SNTG2: variants seen among roughly 807,000 people sequenced by gnomAD.
SNTG2 encodes the protein gamma-2-syntrophin.
SNTG2 carries 74 observed loss-of-function variants against 70.9 expected under a neutral mutation model. That is an observed-to-expected ratio of 1.04 (90% CI 0.86 to 1.27). The LOEUF is 1.27. Among genes scored for constraint, SNTG2 ranks in the 50% most tolerant of loss-of-function variants. SNTG2 has a pLI of 0.00. For missense variants in SNTG2, 717 were observed against 690.7 expected (o/e 1.04, Z -0.43); for synonymous variants, 278 against 273.8 (o/e 1.02, Z -0.15).
chr2:1,306,355 TCTC>T (rs1302303625), intron 14 of SNTG2, among the ~76,000 whole-genome samples: 4 of 152,064 alleles, frequency 2.6e-5, no homozygotes, highest in African/African-American at 9.7e-5. Flanking sequence ...CACCATCTGC[TCTC>T]CTCTAAGAGG....
chr2:1,195,896 A>G (rs1265699110), intron 8 of SNTG2, among the ~76,000 whole-genome samples: 1 of 135,786 alleles, frequency 7.4e-6, no homozygotes, highest in Non-Finnish European at 1.5e-5. Flanking sequence ...ATTGATCAGG[A>G]AAAAAAAAAT....
intron 4 of SNTG2, among the ~76,000 whole-genome samples, chr2:1,120,887 G>T (rs1667333606): frequency 6.6e-6 from 1 of 151,974 alleles, no homozygotes; most frequent in African/African-American, 2.4e-5. Flanking sequence ...GACTTGAATT[G>T]CACTTTGGGC....
intron 16 of SNTG2, among the ~76,000 whole-genome samples, chr2:1,359,412 C>A (rs1396032459): frequency 6.6e-6 from 1 of 152,054 alleles, no homozygotes; most frequent in Non-Finnish European, 1.5e-5. Flanking sequence ...TTCTATCTTC[C>A]TGGTGGATTG....
chr2:1,031,529 T>TA (rs372970926), intron 1 of SNTG2, among the ~76,000 whole-genome samples: 2,039 of 41,924 alleles, frequency 0.049, 32 homozygotes, highest in African/African-American at 0.11. Context: ...TATATATATA[T>TA]TTTTTTTTTT....
chr2:1,093,816 T>C (rs1665192698), intron 2 of SNTG2, among the ~76,000 whole-genome samples: 1 of 152,260 alleles, frequency 6.6e-6, no homozygotes, highest in Non-Finnish European at 1.5e-5. Context: ...GTGGGCTGGC[T>C]TAGGCAGCAG....
chr2:1,267,294 C>A, intron 13 of SNTG2, 71 bp from the exon 14 acceptor site: 1 of 1,426,594 alleles, frequency 7.0e-7, no homozygotes, highest in Non-Finnish European at 9.6e-7. Context: ...GCCTTCTCCC[C>A]ACACCAGGGC....
intron 1 of SNTG2, among the ~76,000 whole-genome samples, chr2:983,791 T>A (rs1055943578): frequency 6.6e-6 from 1 of 152,184 alleles, no homozygotes; most frequent in African/African-American, 2.4e-5. Context: ...AAGACATACT[T>A]CTCACTTGTG....
At chr2:1,186,445 AG>A (rs1451904342) in intron 8 of SNTG2, among the ~76,000 whole-genome samples, 3 of 152,326 alleles carry the variant, frequency 2.0e-5, no homozygotes, top group Admixed American at 1.3e-4. Context: ...TTTCTGTATT[AG>A]TCTGTTCTCA....
At chr2:961,595 T>A (rs189136443) in intron 1 of SNTG2, among the ~76,000 whole-genome samples, 1 of 152,342 alleles carries the variant, frequency 6.6e-6, no homozygotes, top group Non-Finnish European at 1.5e-5. Context: ...AATGGAGCAT[T>A]TTATTCTTTT....
chr2:973,849 C>T (rs188683600), intron 1 of SNTG2, among the ~76,000 whole-genome samples: 1 of 152,258 alleles, frequency 6.6e-6, no homozygotes, highest in East Asian at 1.9e-4. Flanking sequence ...GTATTGCTTT[C>T]ATTCATTTAG....
At chr2:984,418 C>T (rs1558294148) in intron 1 of SNTG2, among the ~76,000 whole-genome samples, 1 of 152,050 alleles carries the variant, frequency 6.6e-6, no homozygotes, top group Non-Finnish European at 1.5e-5. Flanking sequence ...GAGGCTTTTT[C>T]ATTTCACTCA....
intron 1 of SNTG2, among the ~76,000 whole-genome samples, chr2:1,005,845 ATATATATATATATATATATATATAT>A (rs1659552030): frequency 1.4e-4 from 3 of 20,880 alleles, no homozygotes; most frequent in South Asian, 3.8e-3. Context: ...ATATATATAT[ATATATATATATATATATATATATAT>A]ATATAAACGT....
chr2:1,137,642 T>G lies in SNTG2; in HGVS notation c.346T>G (p.Phe116Val). ...TGCAGCTGACCAGACAGGGATGTTG[T>G]TCGTAGGAGATGCTGTTCTCCAGGT... is the stretch of plus-strand genomic sequence containing the variant. ...DQAADQTGMLFVGDAVLQVNG... is the reference protein window; with the variant it reads ...DQAADQTGMLVVGDAVLQVNG... Residue 116 changes from phenylalanine to valine, a missense_variant, in exon 5 of 17, where the codon TTC becomes GTC. By Grantham distance (50) the Phe-to-Val change is conservative. Transcript: ENST00000308624. 1 of 1,613,054 alleles carries G rather than the reference T, an allele frequency of 6.2e-7. No individual in the cohort carries two copies. The highest frequency in any genetic ancestry group is 8.5e-7 in the Non-Finnish European group (1 of 1,179,674).
intron 14 of SNTG2, among the ~76,000 whole-genome samples, chr2:1,302,055 A>G (rs10048754): frequency 0.65 from 98,134 of 151,170 alleles, 32,003 homozygotes; most frequent in East Asian, 0.71. Context: ...TCCGCCTCCC[A>G]GGTTGAAGAG....
chr2:1,282,553 A>C (rs1679591300), intron 14 of SNTG2, among the ~76,000 whole-genome samples: 1 of 152,338 alleles, frequency 6.6e-6, no homozygotes, highest in Middle Eastern at 3.4e-3. Flanking sequence ...TATAATCCCC[A>C]AAATTCTACC....
intron 14 of SNTG2, among the ~76,000 whole-genome samples, chr2:1,295,916 G>A (rs1227684328): frequency 2.6e-5 from 4 of 152,026 alleles, no homozygotes; most frequent in African/African-American, 9.7e-5. Flanking sequence ...TTCCATGTTG[G>A]GGTGGGAGGG....
chr2:1,139,687 G>A (rs1668622939), intron 6 of SNTG2, among the ~76,000 whole-genome samples: 1 of 152,082 alleles, frequency 6.6e-6, no homozygotes, highest in Admixed American at 6.5e-5. Flanking sequence ...AATCTAGTCA[G>A]GCATGGTGGC....
At chr2:1,206,608 A>T (rs978987962) in intron 8 of SNTG2, among the ~76,000 whole-genome samples, 58 of 152,200 alleles carry the variant, frequency 3.8e-4, no homozygotes, top group African/African-American at 1.3e-3. Flanking sequence ...TCCAGAGGAA[A>T]GTACATTCAG....
chr2:1,354,938 C>A (rs1404654097), intron 16 of SNTG2, among the ~76,000 whole-genome samples: 1 of 152,214 alleles, frequency 6.6e-6, no homozygotes, highest in Non-Finnish European at 1.5e-5. Flanking sequence ...GGCGGAAGTT[C>A]TCCCTGTGTC....
Sources: gnomAD v4.1 joint callset for allele counts (sites outside exome capture counted in the v4.1 genomes callset) on GRCh38, gnomAD v4.1.1 for gene constraint, MANE v1.5 for transcripts, NCBI Gene and HGNC (gene_info 2026-07-23, HGNC 2026-07-21) for gene names.